DNAH6: variants seen among roughly 807,000 people sequenced by gnomAD.
DNAH6 encodes the protein axonemal beta dynein heavy chain 6.
DNAH6 carries 340 observed loss-of-function variants against 491.4 expected under a neutral mutation model. That is an observed-to-expected ratio of 0.69 (90% confidence interval 0.63 to 0.76). DNAH6 has a LOEUF of 0.76. DNAH6 is among the 30% of genes least tolerant of loss of function. DNAH6 has a pLI of 0.00. For missense variants in DNAH6, 4,443 were observed against 4,972.2 expected, an observed-to-expected ratio of 0.89 and a Z score of 3.20; for synonymous variants, 1,603 against 1,686.1, an observed-to-expected ratio of 0.95 and a Z score of 1.21.
intron 48 of DNAH6, among the ~76,000 whole-genome samples, 168 bp from the exon 49 acceptor site, chr2:84,700,929 G>A (rs545866454): frequency 1.3e-5 from 2 of 152,278 alleles, no homozygotes; most frequent in South Asian, 4.1e-4. Flanking sequence ...CCCCTCAAAT[G>A]GACAGAGCCC....
intron 16 of DNAH6, among the ~76,000 whole-genome samples, chr2:84,590,486 G>A (rs1197209306): frequency 4.9e-5 from 6 of 121,864 alleles, no homozygotes; most frequent in South Asian, 3.1e-4. Flanking sequence ...CAGTGTGAGC[G>A]AGGCTCCATT....
chr2:84,570,450 TGCACCAATCAGCACTCTGTAAAAAC>T (rs776088347), intron 11 of DNAH6, among the ~76,000 whole-genome samples: 4 of 151,892 alleles, frequency 2.6e-5, no homozygotes, highest in Admixed American at 6.6e-5. Flanking sequence ...GGAATGTAAA[TGCACCAATCAGCACTCTGTAAAAAC>T]GCACCAATCA....
At chr2:84,572,437 A>G (rs1461733249) in intron 11 of DNAH6, among the ~76,000 whole-genome samples, 2 of 152,176 alleles carry the variant, frequency 1.3e-5, no homozygotes, top group Non-Finnish European at 2.9e-5. Flanking sequence ...TGTTTCTAGC[A>G]CCTGCATGAT....
chr2:84,651,426 G>A (rs189049920), intron 33 of DNAH6, among the ~76,000 whole-genome samples: 7 of 152,296 alleles, frequency 4.6e-5, no homozygotes, highest in African/African-American at 1.4e-4. Context: ...TCTGGGCTCC[G>A]CACTCAGTGT....
At chr2:84,648,627 CTAGAAT>C (rs1170448788) in intron 33 of DNAH6, among the ~76,000 whole-genome samples, 1 of 152,152 alleles carries the variant, frequency 6.6e-6, no homozygotes, top group Non-Finnish European at 1.5e-5. Flanking sequence ...AGCAAAAGAA[CTAGAAT>C]TAGAAGTGGA....
At chr2:84,481,336 T>A in the DNAH6 span, among the ~76,000 whole-genome samples, 1 of 152,188 alleles carries the variant, frequency 6.6e-6, no homozygotes, top group Non-Finnish European at 1.5e-5. Flanking sequence ...TTTAAAAAAA[T>A]TTCTCTGTGA....
the DNAH6 span, among the ~76,000 whole-genome samples, chr2:84,488,913 G>A: frequency 2.1e-4 from 32 of 151,854 alleles, no homozygotes; most frequent in African/African-American, 2.2e-4. Context: ...TAGATTGGAG[G>A]TGGGAATGTA....
chr2:84,596,196 T>C (rs1411885839), intron 18 of DNAH6, among the ~76,000 whole-genome samples: 1 of 152,138 alleles, frequency 6.6e-6, no homozygotes, highest in Non-Finnish European at 1.5e-5. Context: ...GTGAAGGAAG[T>C]TGGGAAGCCA....
intron 68 of DNAH6, among the ~76,000 whole-genome samples, chr2:84,794,124 A>G (rs943672656): frequency 1.3e-5 from 2 of 152,220 alleles, no homozygotes; most frequent in African/African-American, 4.8e-5. Context: ...GGCTAGCCAT[A>G]TGCAGAAAGC....
In DNAH6 at chr2:84,685,381, CTT is replaced by C. The variant is rs1313997190; in HGVS notation, c.6975_6976del (p.Phe2325LeufsTer3). 3.9e-6 allele frequency: 6 copies of C among 1,529,112 alleles called. 1 individual carries two copies. The highest frequency in any genetic ancestry group is 1.7e-4 in the Middle Eastern group (1 of 5,854). The allele number at this position is 1,529,112 out of a possible 1,614,324, so 94.7% of individuals were successfully genotyped here. ...IREEIQIFRL[F>X]CHECQRVFHD... ...GAGAAGAAATTCAGATATTTAGACT[CTT>C]TTGCCATGAGTGCCAAAGGGTCTTC... On this transcript the variant is annotated frameshift_variant, in exon 43 of 77. Coordinates refer to ENST00000389394, the MANE Select transcript of DNAH6 (RefSeq NM_001370.2). LOFTEE classifies it high-confidence loss of function.
intron 47 of DNAH6, among the ~76,000 whole-genome samples, chr2:84,699,332 T>A (rs1169842015): frequency 6.6e-6 from 1 of 152,138 alleles, no homozygotes; most frequent in African/African-American, 2.4e-5. Context: ...ATTCAAAGGA[T>A]CTCCTCAAGT....
the DNAH6 span, chr2:84,460,182 C>T: frequency 5.9e-5 from 9 of 152,220 alleles, no homozygotes; most frequent in Non-Finnish European, 1.2e-4. Context: ...TCCTAATTTA[C>T]TTAGGTAGTC....
chr2:84,489,115 G>A, the DNAH6 span, among the ~76,000 whole-genome samples: 3 of 152,174 alleles, frequency 2.0e-5, no homozygotes, highest in African/African-American at 7.2e-5. Flanking sequence ...GTGTGCATAT[G>A]TAAGAGTTTC....
At chr2:84,492,916 G>A in the DNAH6 span, among the ~76,000 whole-genome samples, 195 of 152,154 alleles carry the variant, frequency 1.3e-3, 1 homozygote, top group Middle Eastern at 6.8e-3. Flanking sequence ...TGACAGCAAT[G>A]AGAAATTTTC....
At position 84,686,780 on chromosome 2, in the gene DNAH6, A is replaced by G. The variant is rs551599062; in HGVS notation, c.7137+223A>G. On this transcript the variant is annotated intron_variant, in intron 44 of 76. Coordinates refer to ENST00000389394, the MANE Select transcript of DNAH6 (RefSeq NM_001370.2). Reference sequence around the variant, plus strand: ...AGCCATTTATGTATATGATTTTTATATGGTTGCTTTTGCTCTACAACAGCA... The same window carrying G: ...AGCCATTTATGTATATGATTTTTATGTGGTTGCTTTTGCTCTACAACAGCA... Among the ~76,000 whole-genome samples, 163 of 152,330 alleles carry G rather than the reference A, an allele frequency of 1.1e-3. 2 individuals are homozygous for G. Among genetic ancestry groups the G allele is most frequent in the African/African-American group, 3.8e-3 (160 of 41,574 alleles).
At chr2:84,503,766 C>A in the DNAH6 span, among the ~76,000 whole-genome samples, 1 of 151,746 alleles carries the variant, frequency 6.6e-6, no homozygotes, top group Non-Finnish European at 1.5e-5. Flanking sequence ...AGTCTCCTGG[C>A]AGATGTATTG....
chr2:84,718,632 T>C (rs1347003825), intron 59 of DNAH6, among the ~76,000 whole-genome samples: 2 of 152,192 alleles, frequency 1.3e-5, no homozygotes, highest in African/African-American at 4.8e-5. Context: ...CTGGACAAGA[T>C]ATAAATCGAA....
chr2:84,661,610 T>C (rs1042000106), intron 37 of DNAH6, among the ~76,000 whole-genome samples: 5 of 152,192 alleles, frequency 3.3e-5, no homozygotes, highest in African/African-American at 1.2e-4. Flanking sequence ...AGGCCTCTAC[T>C]GAAAATTACA....
At chr2:84,701,648 A>C (rs888183593) in intron 49 of DNAH6, among the ~76,000 whole-genome samples, 16 of 152,136 alleles carry the variant, frequency 1.1e-4, no homozygotes, top group African/African-American at 3.9e-4. Flanking sequence ...GAGCAGGAGC[A>C]AGAGAGAGAG....
Sources: allele counts gnomAD v4.1 joint callset (sites outside exome capture counted in the v4.1 genomes callset), GRCh38; gene constraint gnomAD v4.1.1; transcripts MANE v1.5; gene names NCBI Gene and HGNC (gene_info 2026-07-23, HGNC 2026-07-21).